The following NEMP1 variants were observed in gnomAD, a reference collection of about 807,000 sequenced individuals.
NEMP1 encodes transmembrane protein 194.
NEMP1 carries 29 observed loss-of-function variants against 53.7 expected under a neutral mutation model. That is an observed-to-expected ratio of 0.54 (90% CI 0.40 to 0.74). NEMP1 has a LOEUF of 0.74. NEMP1 is among the 30% of genes least tolerant of loss of function. The pLI is 0.00. For missense variants in NEMP1, 477 were observed against 528.6 expected (o/e 0.90, Z 0.96); for synonymous variants, 193 against 192.9 (o/e 1.00, Z 0.00).
rs1050847173 is a variant in NEMP1, at chr12:57,055,684, C to T, written c.*4195G>A. The T allele has an allele frequency of 6.6e-6, 1 of 152,078 alleles. No homozygotes were observed. Among genetic ancestry groups the T allele is most frequent in the Admixed American group, 6.5e-5 (1 of 15,268 alleles). The allele number at this position is 152,078 out of a possible 1,614,324, so 9.4% of individuals were successfully genotyped here. On this transcript the variant is annotated 3_prime_UTR_variant, in exon 9 of 9. Coordinates refer to ENST00000300128, the MANE Select transcript of NEMP1 (RefSeq NM_001130963.2). ...ATTAAAATTGGAATTAGAAACTATA[C>T]CAAAAACTTTAAAAATACATTAAGA... is the stretch of plus-strand genomic sequence containing the variant.
chr12:57,060,705 T>G (rs2031757177), intron 8 of NEMP1, 67 bp downstream of exon 8: 1 of 1,490,320 alleles, frequency 6.7e-7, no homozygotes, highest in African/African-American at 1.4e-5. Context: ...TCTAGAAGTA[T>G]GATCTCTGGT....
At chr12:57,074,676 T>C (rs2032518375) in intron 1 of NEMP1, among the ~76,000 whole-genome samples, 1 of 152,238 alleles carries the variant, frequency 6.6e-6, no homozygotes, top group Non-Finnish European at 1.5e-5. Context: ...TCCAGCTGTT[T>C]TGTGTCACTT....
At chr12:57,087,070 T>C (rs1434717228) in intron 1 of NEMP1, among the ~76,000 whole-genome samples, 1 of 152,172 alleles carries the variant, frequency 6.6e-6, no homozygotes, top group Non-Finnish European at 1.5e-5. Context: ...AGGCCCCTTC[T>C]GCGGAATTTC....
chr12:57,073,981 T>A (rs1020335796), intron 1 of NEMP1, among the ~76,000 whole-genome samples: 2 of 152,168 alleles, frequency 1.3e-5, no homozygotes, highest in African/African-American at 4.8e-5. Context: ...TTTTTATTTT[T>A]TTTTTGAGAC....
rs143501202 is a variant in NEMP1 at position 57,063,107 on chromosome 12, C to G, written c.980+12G>C. The stretch of plus-strand genomic sequence containing the variant: ...TACCTGTCAATATTAAGTTACATTG[C>G]CTTTCAGTCACCTGCAGGTGATGTA... On this transcript the variant is annotated intron_variant, in intron 7 of 8. Coordinates refer to ENST00000300128, the MANE Select transcript of NEMP1 (RefSeq NM_001130963.2). 4 of 1,595,308 alleles carry G rather than the reference C, an allele frequency of 2.5e-6. No individual in the cohort carries two copies. Among genetic ancestry groups the G allele is most frequent in the Non-Finnish European group, 3.4e-6 (4 of 1,162,966 alleles).
chr12:57,064,474 T>C (rs1395281717), intron 5 of NEMP1, among the ~76,000 whole-genome samples, 172 bp downstream of exon 5: 2 of 152,162 alleles, frequency 1.3e-5, no homozygotes, highest in Non-Finnish European at 2.9e-5. Context: ...AGAAAGAATT[T>C]GTAATCAGGC....
intron 3 of NEMP1, 78 bp from the exon 4 acceptor site, chr12:57,069,384 A>G (rs1259705387): frequency 2.2e-6 from 2 of 905,624 alleles, no homozygotes; most frequent in East Asian, 5.7e-5. Context: ...CAACGTTGGC[A>G]CTATTGGTCA....
chr12:57,059,728 A>T lies in NEMP1; in HGVS notation c.*151T>A, dbSNP rs965188116. 1 of 656,470 alleles carries T rather than the reference A, an allele frequency of 1.5e-6. No individual in the cohort carries two copies. Among genetic ancestry groups the T allele is most frequent in the Non-Finnish European group, 2.5e-6 (1 of 395,812 alleles). The allele number at this position is 656,470 out of a possible 1,614,324, so 40.7% of individuals were successfully genotyped here. A position where few individuals can be genotyped will look rare whatever the true frequency, so the allele number is the denominator to read the frequency against. On this transcript the variant is annotated 3_prime_UTR_variant, in exon 9 of 9. Coordinates refer to ENST00000300128, the MANE Select transcript of NEMP1 (RefSeq NM_001130963.2). ...GATCCCATAGAGACCTCCCATTTCC[A>T]AAGGGAGGCCTTTTTAGGCCTCTTA...
chr12:57,078,052 G>A (rs1394380706), intron 1 of NEMP1, among the ~76,000 whole-genome samples: 4 of 152,190 alleles, frequency 2.6e-5, no homozygotes, highest in Non-Finnish European at 4.4e-5. Context: ...CTGCACTCCA[G>A]CCTGAGTGAC....
intron 1 of NEMP1, among the ~76,000 whole-genome samples, chr12:57,078,005 C>G (rs2032714052): frequency 6.6e-6 from 1 of 152,078 alleles, no homozygotes; most frequent in Non-Finnish European, 1.5e-5. Context: ...TTGCTTGAAC[C>G]CAGGAGGCGG....
chr12:57,078,724 C>G lies in NEMP1; in HGVS notation c.22G>C (p.Ala8Pro). ...CCGGGACCAACTGCCGGCGAGACCGCCACTTTCATTCCTCCCGCCATGGTT... is the reference window on the plus strand; with the variant it reads ...CCGGGACCAACTGCCGGCGAGACCGGCACTTTCATTCCTCCCGCCATGGTT... MAGGMKV[A>P]VSPAVGPGPW... The change falls in exon 1 of 9, where the codon GCG becomes CCG. Residue 8 changes from alanine (A) to proline (P), a missense_variant. By Grantham distance (27) the Ala-to-Pro change is conservative (BLOSUM62 -1). Transcript: ENST00000300128. 1 of 1,612,808 alleles carries G rather than the reference C, an allele frequency of 6.2e-7. No individual in the cohort carries two copies. The highest frequency in any genetic ancestry group is 8.5e-7 in the Non-Finnish European group (1 of 1,179,240).
intron 1 of NEMP1, among the ~76,000 whole-genome samples, chr12:57,087,571 C>T (rs1243378506): frequency 6.6e-6 from 1 of 152,100 alleles, no homozygotes; most frequent in East Asian, 1.9e-4. Flanking sequence ...GTTCCCACCA[C>T]CCCCACTGTG....
chr12:57,078,853 G>A, upstream of NEMP1: 1 of 1,288,644 alleles, frequency 7.8e-7, no homozygotes, highest in Non-Finnish European at 1.1e-6. Context: ...TCAACCAATG[G>A]GATGGGCAGG....
At chr12:57,064,794 T>G in intron 4 of NEMP1, 55 bp from the exon 5 acceptor site, 1 of 1,335,464 alleles carries the variant, frequency 7.5e-7, no homozygotes, top group Non-Finnish European at 1.1e-6. Context: ...TACATAGCAC[T>G]GTTGAAACTA....
At chr12:57,079,949 A>ATTG (rs747167133), upstream of NEMP1, among the ~76,000 whole-genome samples, 361 of 151,156 alleles carry the variant, frequency 2.4e-3, 2 homozygotes, top group South Asian at 0.017. Flanking sequence ...TGTTTGTTTC[A>ATTG]TTGTTGTTGT....
At chr12:57,070,916 AT>A (rs1455221024) in intron 2 of NEMP1, 23 bp from the exon 3 acceptor site, 1 of 1,564,994 alleles carries the variant, frequency 6.4e-7, no homozygotes, top group Non-Finnish European at 8.7e-7. Flanking sequence ...TAAAATCAGG[AT>A]GAGAAAAAAG....
chr12:57,076,824 G>A (rs1325570619), intron 1 of NEMP1, among the ~76,000 whole-genome samples: 2 of 151,344 alleles, frequency 1.3e-5, no homozygotes, highest in South Asian at 2.1e-4. Flanking sequence ...AAAATTAGCC[G>A]AGTGTGGTGG....
chr12:57,075,788 GA>G (rs1374748554), intron 1 of NEMP1, among the ~76,000 whole-genome samples: 19 of 150,680 alleles, frequency 1.3e-4, no homozygotes, highest in Non-Finnish European at 2.5e-4. Flanking sequence ...CCAACATGGC[GA>G]AATCCCACTC....
At chr12:57,073,294 G>C (rs998208068) in intron 1 of NEMP1, among the ~76,000 whole-genome samples, 4 of 151,856 alleles carry the variant, frequency 2.6e-5, no homozygotes, top group Non-Finnish European at 5.9e-5. Context: ...TGGGACTACA[G>C]GCGCCCGCCA....
Sources: gnomAD v4.1 joint callset for allele counts (sites outside exome capture counted in the v4.1 genomes callset) on GRCh38, gnomAD v4.1.1 for gene constraint, MANE v1.5 for transcripts, NCBI Gene and HGNC (gene_info 2026-07-23, HGNC 2026-07-21) for gene names.